The following MEF2A variants were observed in gnomAD, a reference collection of about 807,000 sequenced individuals.
The protein encoded by MEF2A is myocyte enhancer factor 2A, also known as myocyte-specific enhancer factor 2A.
Under a neutral mutation model 55.8 loss-of-function variants are expected in MEF2A, and 28 were observed. The ratio of observed to expected loss-of-function variants is 0.50; its 90% CI spans 0.37 to 0.69. The LOEUF (loss-of-function observed/expected upper bound fraction) is 0.69, where lower values mean the gene tolerates loss of function less well. MEF2A is among the 30% of genes least tolerant of loss of function. MEF2A has a pLI of 0.00. For missense variants in MEF2A, 528 were observed against 626.2 expected, an observed-to-expected ratio of 0.84 and a Z score of 1.67; for synonymous variants, 239 against 227.1, an observed-to-expected ratio of 1.05 and a Z score of -0.47.
chr15:99,595,575 C>G (rs1305415730), intron 1 of MEF2A, among the ~76,000 whole-genome samples: 7 of 152,080 alleles, frequency 4.6e-5, no homozygotes, highest in Admixed American at 4.6e-4. Context: ...TATATTGAAT[C>G]CTGGGCCAGA....
chr15:99,678,750 A>C, intron 7 of MEF2A: 1 of 866,366 alleles, frequency 1.2e-6, no homozygotes, highest in South Asian at 5.3e-5. Context: ...AAGAAAGTCT[A>C]ATGGAAAGAC....
In MEF2A at chr15:99,701,205, C is replaced by T. The variant is rs1296466446; in HGVS notation, c.859-2157C>T. Among the ~76,000 whole-genome samples the T allele has an allele frequency of 2.6e-5, 4 of 152,210 alleles. No individual in the cohort carries two copies. The East Asian group carries it at 7.7e-4, about 29-fold the overall frequency. On this transcript the variant is annotated intron_variant, in intron 8 of 11. Coordinates refer to ENST00000557942, the MANE Select transcript of MEF2A (RefSeq NM_001319206.4). Reference sequence around the variant, plus strand: ...GCCTTAACCGGAGGATCAAGGTTAACATCACCAGTAATGGGACATAAAGAC... The same window carrying T: ...GCCTTAACCGGAGGATCAAGGTTAATATCACCAGTAATGGGACATAAAGAC...
chr15:99,675,515 G>A lies in MEF2A; in HGVS notation c.670+57G>A, dbSNP rs1203008992. 4 of 1,424,058 alleles carry A rather than the reference G, an allele frequency of 2.8e-6. No individual in the cohort carries two copies. In the African/African-American group the frequency reaches 5.6e-5, roughly 20 times the overall value. The allele number at this position is 1,424,058 out of a possible 1,614,324, so 88.2% of individuals were successfully genotyped here. On this transcript the variant is annotated intron_variant, in intron 7 of 11. Transcript: ENST00000557942. ...GTATCTATCCTATATGAGATCAAAG[G>A]AATGTTGTTCCTGAAATAAAGCTTT...
intron 2 of MEF2A, among the ~76,000 whole-genome samples, chr15:99,623,571 TTTC>T (rs889837663): frequency 2.0e-5 from 3 of 152,208 alleles, no homozygotes; most frequent in African/African-American, 7.2e-5. Flanking sequence ...TGCTGTTCTG[TTTC>T]TTAATAGCCA....
chr15:99,670,394 G>A (rs1283302858), intron 4 of MEF2A, among the ~76,000 whole-genome samples: 1 of 152,132 alleles, frequency 6.6e-6, no homozygotes, highest in South Asian at 2.1e-4. Context: ...GGATCACGAG[G>A]TCAGGAGATC....
rs896969139 is a variant in MEF2A at position 99,715,298 on chromosome 15, C to CT, written c.*2528dup. On this transcript the variant is annotated 3_prime_UTR_variant, in exon 12 of 12. Coordinates refer to ENST00000557942, the MANE Select transcript of MEF2A (RefSeq NM_001319206.4). ...GAGTTAACACATTCACATTTACTGT[C>CT]TATTTTCTTGTGTGCCTTATGAGAT... The CT allele has an allele frequency of 2.0e-5, 3 of 152,184 alleles. No homozygotes were observed. The highest frequency in any genetic ancestry group is 4.4e-5 in the Non-Finnish European group (3 of 68,028). 9.4% of individuals were successfully genotyped at this position (152,184 alleles called of 1,614,324 possible).
intron 8 of MEF2A, among the ~76,000 whole-genome samples, chr15:99,695,480 C>T (rs532731493): frequency 6.6e-6 from 1 of 151,480 alleles, no homozygotes; most frequent in South Asian, 2.1e-4. Flanking sequence ...GCTTTTAATC[C>T]AGTCATATAA....
intron 7 of MEF2A, among the ~76,000 whole-genome samples, chr15:99,687,045 G>A (rs532919764): frequency 7.3e-6 from 1 of 137,856 alleles, no homozygotes; most frequent in South Asian, 2.5e-4. Context: ...CTTAGTTTCT[G>A]GGACTACAGG....
At chr15:99,646,847 G>A (rs2046044710) in intron 4 of MEF2A, among the ~76,000 whole-genome samples, 3 of 152,046 alleles carry the variant, frequency 2.0e-5, no homozygotes, top group Admixed American at 2.0e-4. Flanking sequence ...ACTATTACTT[G>A]TATTTTAAAA....
chr15:99,594,819 A>G (rs1034621375), intron 1 of MEF2A, among the ~76,000 whole-genome samples: 1 of 152,228 alleles, frequency 6.6e-6, no homozygotes, highest in Non-Finnish European at 1.5e-5. Context: ...AACTCTAAAT[A>G]TATTTTAAAG....
At chr15:99,571,184 C>CAAAAA (rs113527746) in intron 1 of MEF2A, among the ~76,000 whole-genome samples, 1 of 134,238 alleles carries the variant, frequency 7.4e-6, no homozygotes, top group African/African-American at 2.7e-5. Flanking sequence ...ACTCCATCTC[C>CAAAAA]AAAAAAAAAA....
intron 7 of MEF2A, among the ~76,000 whole-genome samples, chr15:99,681,075 T>C (rs777710815): frequency 4.6e-5 from 7 of 152,194 alleles, no homozygotes; most frequent in Non-Finnish European, 1.0e-4. Flanking sequence ...CTTTGGGGAC[T>C]TTTTACTTTG....
upstream of MEF2A, chr15:99,565,617 G>C (rs898490588): frequency 7.2e-5 from 11 of 152,252 alleles, no homozygotes; most frequent in African/African-American, 2.4e-4. Context: ...AGGAAAGCGA[G>C]CTCCAACCCG....
chr15:99,608,681 C>G (rs1976001384), intron 2 of MEF2A, among the ~76,000 whole-genome samples: 1 of 152,052 alleles, frequency 6.6e-6, no homozygotes, highest in Non-Finnish European at 1.5e-5. Flanking sequence ...GGTGGATCAC[C>G]TGAGGTCAGG....
intron 9 of MEF2A, 102 bp from the exon 10 acceptor site, chr15:99,706,627 C>CA: frequency 1.5e-6 from 2 of 1,294,298 alleles, no homozygotes; most frequent in Non-Finnish European, 2.2e-6. Flanking sequence ...CAGAAAATGA[C>CA]ATTCATATGA....
intron 1 of MEF2A, among the ~76,000 whole-genome samples, chr15:99,589,083 G>A (rs1349799834): frequency 6.6e-6 from 1 of 152,168 alleles, no homozygotes; most frequent in Non-Finnish European, 1.5e-5. Context: ...CTCCTTAAAT[G>A]TGTTAGAAAG....
At chr15:99,707,665 T>G (rs2058185162) in intron 10 of MEF2A, among the ~76,000 whole-genome samples, 1 of 152,132 alleles carries the variant, frequency 6.6e-6, no homozygotes, top group East Asian at 1.9e-4. Flanking sequence ...GCCAAACACC[T>G]GATGCTTCAG....
chr15:99,704,709 C>A (rs1338217321), intron 9 of MEF2A, among the ~76,000 whole-genome samples: 1 of 152,180 alleles, frequency 6.6e-6, no homozygotes, highest in Non-Finnish European at 1.5e-5. Flanking sequence ...TAGGTAGGGT[C>A]CAGGCCAAAC....
intron 2 of MEF2A, among the ~76,000 whole-genome samples, chr15:99,609,182 C>G (rs1976256550): frequency 1.3e-5 from 2 of 152,202 alleles, no homozygotes; most frequent in African/African-American, 4.8e-5. Flanking sequence ...TGACATTGTT[C>G]ATAATGGCTT....
Sources: allele counts gnomAD v4.1 joint callset (sites outside exome capture counted in the v4.1 genomes callset), GRCh38; gene constraint gnomAD v4.1.1; transcripts MANE v1.5; gene names NCBI Gene and HGNC (gene_info 2026-07-23, HGNC 2026-07-21).